Variants in ITPR1 observed in about 807,000 individuals in gnomAD.
ITPR1 encodes the protein inositol 1,4,5-trisphosphate-gated calcium channel ITPR1.
In ITPR1, 96 loss-of-function variants were observed where a neutral mutation model predicts 318.4. The observed-to-expected ratio is 0.30, with a 90% CI of 0.26 to 0.36. ITPR1 has a LOEUF of 0.36. Ranked by LOEUF, ITPR1 falls within the 10% of genes least tolerant of loss-of-function variation. The pLI is 1.00. For missense variants in ITPR1, 2,440 were observed against 3,460.2 expected, an observed-to-expected ratio of 0.71 and a Z score of 7.40; for synonymous variants, 1,312 against 1,289.9, an observed-to-expected ratio of 1.02 and a Z score of -0.37.
chr3:4,509,820 T>C (rs532874552), intron 2 of ITPR1, among the ~76,000 whole-genome samples: 1 of 152,146 alleles, frequency 6.6e-6, no homozygotes, highest in East Asian at 1.9e-4. Context: ...CAGTATAAAC[T>C]CTTCTAGGCA....
intron 4 of ITPR1, among the ~76,000 whole-genome samples, chr3:4,560,799 A>G (rs888048898): frequency 1.3e-5 from 2 of 152,234 alleles, no homozygotes; most frequent in African/African-American, 4.8e-5. Flanking sequence ...TAGAGGTGAC[A>G]GCGACTTATT....
Position 4,788,047 on chromosome 3 carries a change from C to T in ITPR1, c.6716C>T (p.Thr2239Ile), listed in dbSNP as rs1222798560. The change falls in exon 52 of 62, where the codon ACA becomes ATA. Residue 2239 changes from threonine (T) to isoleucine (I), a missense_variant. By Grantham distance (89) the Thr-to-Ile change is moderately conservative. Around this residue, in one of 23 missense-constraint regions of ITPR1, gnomAD observed 115 missense variants for 204.5 expected, o/e 0.56. Coordinates refer to ENST00000649015, the MANE Select transcript of ITPR1 (RefSeq NM_001378452.1). Reference sequence around the variant, plus strand: ...TCAAAACTACGAATTTACTATACTACAGAGAGAGACGAACAAGGCAGCAAA... The same window carrying T: ...TCAAAACTACGAATTTACTATACTATAGAGAGAGACGAACAAGGCAGCAAA... ...KESKLRIYYT[T>I]ERDEQGSKIN... is the part of the protein sequence containing the mutation. 6.2e-7 allele frequency: 1 copy of T among 1,612,448 alleles called. No individual in the cohort carries two copies. The highest frequency in any genetic ancestry group is 1.3e-5 in the African/African-American group (1 of 74,890).
chr3:4,735,154 A>G lies in ITPR1; in HGVS notation c.5354-10A>G, dbSNP rs535524341. On this transcript the variant is annotated splice_polypyrimidine_tract_variant and intron_variant, in intron 43 of 61. Coordinates refer to ENST00000649015, the MANE Select transcript of ITPR1 (RefSeq NM_001378452.1). ...TTGTGCTTAGTAAAAACAATATTCC[A>G]TCTTCTTAGGGGGAGGTTCCGGATC... The G allele has an allele frequency of 1.9e-5, 31 of 1,608,512 alleles. No individual in the cohort carries two copies. The highest frequency in any genetic ancestry group is 8.8e-5 in the South Asian group (8 of 90,890).
chr3:4,834,983 CAGA>C (rs1002679688), intron 60 of ITPR1, among the ~76,000 whole-genome samples: 20 of 152,156 alleles, frequency 1.3e-4, no homozygotes, highest in African/African-American at 4.6e-4. Flanking sequence ...AGGGTGCATG[CAGA>C]AGAAGAGTTG....
At chr3:4,750,795 T>C (rs1177883618) in intron 44 of ITPR1, 1 of 152,446 alleles carries the variant, frequency 6.6e-6, no homozygotes, top group African/African-American at 2.4e-5. Context: ...TACTCATGAT[T>C]CTTGGAGCTG....
At chr3:4,733,345 G>A (rs2043059440) in intron 43 of ITPR1, 125 bp downstream of exon 43, 2 of 1,159,388 alleles carry the variant, frequency 1.7e-6, no homozygotes, top group Middle Eastern at 3.0e-4. Context: ...GTATTTTTTA[G>A]CAACTTGTTT....
chr3:4,769,063 C>T (rs932402988), intron 46 of ITPR1, among the ~76,000 whole-genome samples: 1 of 151,946 alleles, frequency 6.6e-6, no homozygotes, highest in Non-Finnish European at 1.5e-5. Context: ...GAGTGCCTGG[C>T]TAATTTTTGT....
chr3:4,673,055 G>A, intron 20 of ITPR1, 81 bp from the exon 21 acceptor site: 1 of 1,482,688 alleles, frequency 6.7e-7, no homozygotes, highest in Non-Finnish European at 9.2e-7. Context: ...TCCCATGACA[G>A]TCAGGGCTGC....
At chr3:4,802,031 C>A (rs1047761045) in intron 54 of ITPR1, among the ~76,000 whole-genome samples, 1 of 152,162 alleles carries the variant, frequency 6.6e-6, no homozygotes, top group Non-Finnish European at 1.5e-5. Context: ...TGGACTTCAT[C>A]CCCCAGGTCA....
chr3:4,580,355 C>G (rs571234672), intron 4 of ITPR1, among the ~76,000 whole-genome samples: 26 of 152,294 alleles, frequency 1.7e-4, no homozygotes, highest in African/African-American at 6.3e-4. Flanking sequence ...GCTTTTGGTT[C>G]AAACAAGTGG....
rs1559881719 is a variant in ITPR1, at chr3:4,779,630, G to A, written c.6372G>A (p.Met2124Ile). ...SENAERILYN[M>I]RPKELVEVIK... ...ACGCAGAGAGGATACTTTATAACATGAGGCCCAAGGAACTGGTGAGTCGGG... is the reference window on the plus strand; with the variant it reads ...ACGCAGAGAGGATACTTTATAACATAAGGCCCAAGGAACTGGTGAGTCGGG... The change falls in exon 49 of 62, where the codon ATG becomes ATA. Residue 2124 changes from methionine to isoleucine, a missense_variant. Transcript: ENST00000649015. This position sits in a 1 kb window ranked among gnomAD's most constrained non-coding sequence, Gnocchi z 4.0. The A allele has an allele frequency of 3.1e-6, 5 of 1,610,490 alleles. No homozygotes were observed. Among genetic ancestry groups the A allele is most frequent in the Non-Finnish European group, 3.4e-6 (4 of 1,177,430 alleles).
chr3:4,665,075 A>C (rs1360992446), intron 16 of ITPR1, 63 bp from the exon 17 acceptor site: 3 of 1,574,882 alleles, frequency 1.9e-6, no homozygotes, highest in African/African-American at 1.3e-5. Context: ...ATTACTTCCA[A>C]ACAGAGGGTT....
rs987584462 is a variant in ITPR1, at chr3:4,765,722, G to A, written c.5545-808G>A. ...TTTTATGTAAATAATTTACAACAGCGTGGTGTTTGCAAAGGGGTGAAAAGC... is the reference window on the plus strand; with the variant it reads ...TTTTATGTAAATAATTTACAACAGCATGGTGTTTGCAAAGGGGTGAAAAGC... On this transcript the variant is annotated intron_variant, in intron 44 of 61. Transcript: ENST00000649015. Among the ~76,000 whole-genome samples, 7 of 152,050 alleles carry A rather than the reference G, an allele frequency of 4.6e-5. No individual in the cohort carries two copies. The East Asian group carries it at 5.8e-4, about 13-fold the overall frequency.
At chr3:4,668,331 T>G (rs1202617886) in intron 18 of ITPR1, among the ~76,000 whole-genome samples, 1 of 152,064 alleles carries the variant, frequency 6.6e-6, no homozygotes. Context: ...TCAATTGTTT[T>G]GATTTTTAGA....
chr3:4,539,273 G>C (rs577337072), intron 4 of ITPR1, among the ~76,000 whole-genome samples: 1 of 152,122 alleles, frequency 6.6e-6, no homozygotes, highest in African/African-American at 2.4e-5. Context: ...ACTTAGTTGT[G>C]TGTTGGTCAG....
chr3:4,707,323 G>A (rs1394228355), intron 37 of ITPR1, among the ~76,000 whole-genome samples: 2 of 152,166 alleles, frequency 1.3e-5, no homozygotes, highest in African/African-American at 2.4e-5. Flanking sequence ...TAGTGACTGC[G>A]GTTGGACTCA....
intron 4 of ITPR1, 50 bp downstream of exon 4, chr3:4,521,144 C>T (rs753042744): frequency 7.8e-6 from 10 of 1,287,962 alleles, no homozygotes; most frequent in Non-Finnish European, 1.1e-5. Flanking sequence ...CTTGAAAATT[C>T]TTGAAGTGTG....
intron 53 of ITPR1, chr3:4,799,957 G>GT (rs766371120): frequency 2.3e-4 from 35 of 154,930 alleles, no homozygotes; most frequent in South Asian, 1.2e-3. Context: ...ACATGCATGA[G>GT]TTTTATTTCT....
intron 49 of ITPR1, among the ~76,000 whole-genome samples, chr3:4,781,310 G>A (rs1376050426): frequency 6.6e-6 from 1 of 152,176 alleles, no homozygotes; most frequent in Non-Finnish European, 1.5e-5. Context: ...ATAATTTTTA[G>A]TACAAATTAG....
Sources: gnomAD v4.1 joint callset for allele counts (sites outside exome capture counted in the v4.1 genomes callset) on GRCh38, gnomAD v4.1.1 for gene constraint, gnomAD v4.1.1 regional missense constraint, Gnocchi (gnomAD v3.1) non-coding constraint, MANE v1.5 for transcripts, NCBI Gene and HGNC (gene_info 2026-07-23, HGNC 2026-07-21) for gene names.